Variants in PRKAG3 observed in about 807,000 individuals in gnomAD.
PRKAG3 encodes protein kinase AMP-activated non-catalytic subunit gamma 3, also known as 5'-AMP-activated protein kinase subunit gamma-3.
Under a neutral mutation model 56.5 loss-of-function variants are expected in PRKAG3, and 39 were observed. That is an observed-to-expected ratio of 0.69 (90% CI 0.53 to 0.90). PRKAG3 has a LOEUF of 0.90. Among genes scored for constraint, PRKAG3 ranks in the 40% least tolerant of loss-of-function variants. The probability of loss-of-function intolerance (pLI) is 0.00; values close to 1 mark genes in which losing one functional copy is unlikely to be tolerated. For synonymous variants in PRKAG3, 243 were observed against 250.1 expected (o/e 0.97, Z 0.27); for missense variants, 628 against 627.5 (o/e 1.00, Z -0.01).
chr2:218,826,811 G>T, intron 10 of PRKAG3, 117 bp downstream of exon 10: 2 of 1,358,702 alleles, frequency 1.5e-6, no homozygotes, highest in Non-Finnish European at 2.1e-6. Context: ...CTAATCCCCA[G>T]TCCATCCTGT....
intron 2 of PRKAG3, 92 bp downstream of exon 2, chr2:218,831,244 G>A: frequency 2.0e-6 from 2 of 1,017,910 alleles, no homozygotes; most frequent in African/African-American, 1.6e-5. Context: ...GAAGATAAAA[G>A]CCAGGCTGGG....
exon 12 of PRKAG3, chr2:218,824,222 C>T: frequency 1.2e-6 from 2 of 1,614,144 alleles, no homozygotes; most frequent in Non-Finnish European, 1.7e-6. Context: ...CACACGGTAC[C>T]TGCTCCCGAG....
exon 5 of PRKAG3, chr2:218,828,526 G>T (rs773336374): frequency 6.2e-6 from 10 of 1,613,090 alleles, no homozygotes; most frequent in Non-Finnish European, 6.8e-6. Flanking sequence ...CACCCACAAA[G>T]CTCTGCTTCT....
rs1943948643 is a variant in PRKAG3, at chr2:218,827,364, T to C, written c.885A>G (p.Glu295=). ...GGTTCTTGATGAGGGTGTAGACAGCTTCAAACAGGCTGCAGAGATGGGAGC... is the reference window on the plus strand; with the variant it reads ...GGTTCTTGATGAGGGTGTAGACAGCCTCAAACAGGCTGCAGAGATGGGAGC... The change falls in exon 9 of 13, where the codon GAA becomes GAG. Residue 295 remains glutamate (E), a synonymous_variant. Transcript: ENST00000529249. This position sits in a 1 kb window ranked among gnomAD's most constrained non-coding sequence, Gnocchi z 5.3. 6.2e-7 allele frequency: 1 copy of C among 1,614,044 alleles called. No individual in the cohort carries two copies. Among genetic ancestry groups the C allele is most frequent in the South Asian group, 1.1e-5 (1 of 91,064 alleles).
chr2:218,824,706 C>G (rs1943906728), intron 10 of PRKAG3, 130 bp from the exon 11 acceptor site: 2 of 820,114 alleles, frequency 2.4e-6, no homozygotes, highest in Admixed American at 3.8e-5. Context: ...AAGGATCAAA[C>G]TTAGCATCCC....
chr2:218,824,027 A>C (rs1943891677), intron 12 of PRKAG3, 149 bp from the exon 13 acceptor site: 2 of 1,195,938 alleles, frequency 1.7e-6, no homozygotes, highest in Non-Finnish European at 2.4e-6. Flanking sequence ...TGACCGGCCT[A>C]AGGTGATCAG....
chr2:218,823,645 C>T lies in PRKAG3; in HGVS notation c.*117G>A, dbSNP rs1270051947. On this transcript the variant is annotated 3_prime_UTR_variant, in exon 13 of 13. Coordinates refer to ENST00000529249, the Ensembl canonical transcript of PRKAG3. The stretch of plus-strand genomic sequence containing the variant: ...GTGTCATGGCCCAGGGCAGAGCCTA[C>T]CTGAATCATAGCTGAACCAGCAAAT... The T allele has an allele frequency of 1.3e-6, 2 of 1,591,838 alleles. No homozygotes were observed. Among genetic ancestry groups the T allele is most frequent in the Non-Finnish European group, 1.7e-6 (2 of 1,174,352 alleles).
At chr2:218,831,359 C>G in exon 2 of PRKAG3, 2 of 1,603,634 alleles carry the variant, frequency 1.2e-6, no homozygotes, top group African/African-American at 1.3e-5. Flanking sequence ...ACCCCCAAGG[C>G]TGCTCCAGGA....
At chr2:218,824,237 C>A in exon 12 of PRKAG3, 1 of 1,614,114 alleles carries the variant, frequency 6.2e-7, no homozygotes, top group Non-Finnish European at 8.5e-7. Flanking sequence ...CCCGAGCAAT[C>A]CTGTCGATCA....
chr2:218,822,819 A>G, downstream of PRKAG3: 2 of 921,386 alleles, frequency 2.2e-6, no homozygotes, highest in South Asian at 1.0e-4. Flanking sequence ...GGCTGAAGCC[A>G]TAGGTAGCCC....
In PRKAG3 at chr2:218,827,289, G is replaced by A; in HGVS notation, c.960C>T (p.His320=). ...TGAGCAGGCGTTTGTGTGTGAGGAT[G>A]TGGAGTACGTTGCCTGACACCGGGT... The change falls in exon 9 of 13, where the codon CAC becomes CAT. Residue 320 remains histidine, a synonymous_variant. Transcript: ENST00000529249. This position sits in a 1 kb window ranked among gnomAD's most constrained non-coding sequence, Gnocchi z 5.3. 1 of 1,614,232 alleles carries A rather than the reference G, an allele frequency of 6.2e-7. No homozygotes were observed. Among genetic ancestry groups the A allele is most frequent in the East Asian group, 2.2e-5 (1 of 44,886 alleles).
Position 218,824,672 on chromosome 2 carries a change from A to G in PRKAG3, c.1169-96T>C, listed in dbSNP as rs1337726611. 4 of 1,120,792 alleles carry G rather than the reference A, an allele frequency of 3.6e-6. No individual in the cohort carries two copies. The Admixed American group carries it at 6.8e-5, about 19-fold the overall frequency. 69.4% of individuals were successfully genotyped at this position (1,120,792 alleles called of 1,614,324 possible). A position where few individuals can be genotyped will look rare whatever the true frequency, so the allele number is the denominator to read the frequency against. Reference sequence around the variant, plus strand: ...GTGTAGAGGGCCTAGGGCTATTTGCATCAGGGTGCCACTACCAGAACCCAA... The same window carrying G: ...GTGTAGAGGGCCTAGGGCTATTTGCGTCAGGGTGCCACTACCAGAACCCAA... On this transcript the variant is annotated intron_variant, in intron 10 of 12. Transcript: ENST00000529249.
At chr2:218,831,250 C>A in intron 2 of PRKAG3, 86 bp downstream of exon 2, 3 of 1,061,812 alleles carry the variant, frequency 2.8e-6, no homozygotes, top group Non-Finnish European at 1.4e-6. Flanking sequence ...AAAAGCCAGG[C>A]TGGGAGGGAA....
chr2:218,825,987 T>C (rs2105986618), intron 10 of PRKAG3, among the ~76,000 whole-genome samples: 1 of 152,154 alleles, frequency 6.6e-6, no homozygotes, highest in East Asian at 1.9e-4. Flanking sequence ...TCTCGATCTC[T>C]TGACCTCGTG....
chr2:218,830,142 G>T (rs758461896), exon 4 of PRKAG3: 1 of 1,614,074 alleles, frequency 6.2e-7, no homozygotes, highest in Non-Finnish European at 8.5e-7. Context: ...CACAGGGCAG[G>T]CCTCTCTTCC....
exon 13 of PRKAG3, chr2:218,823,692 C>T (rs1943886241): frequency 1.9e-6 from 3 of 1,608,638 alleles, no homozygotes; most frequent in Non-Finnish European, 2.5e-6. Flanking sequence ...AAGATGAAGG[C>T]TGAGTTCTCC....
At chr2:218,825,760 G>T (rs545863974) in intron 10 of PRKAG3, among the ~76,000 whole-genome samples, 66 of 144,192 alleles carry the variant, frequency 4.6e-4, no homozygotes, top group African/African-American at 1.8e-3. Flanking sequence ...GGTATAAAAT[G>T]CACTTTTTTT....
At chr2:218,830,118 C>T (rs142004276) in exon 4 of PRKAG3, 4 of 1,613,228 alleles carry the variant, frequency 2.5e-6, no homozygotes, top group Non-Finnish European at 3.4e-6. Context: ...GGAAATGGGG[C>T]CTGCGGGGAC....
chr2:218,830,356 C>A, exon 4 of PRKAG3: 1 of 1,608,824 alleles, frequency 6.2e-7, no homozygotes. Context: ...GCCCGGTGGA[C>A]TCAGCAGCTG....
Sources: gnomAD v4.1 joint callset for allele counts (sites outside exome capture counted in the v4.1 genomes callset) on GRCh38, gnomAD v4.1.1 for gene constraint, Gnocchi (gnomAD v3.1) non-coding constraint, MANE v1.5 for transcripts, NCBI Gene and HGNC (gene_info 2026-07-23, HGNC 2026-07-21) for gene names.